Variants in ARID1A observed in about 807,000 individuals in gnomAD.
ARID1A encodes the protein AT-rich interactive domain-containing protein 1A.
A neutral mutation model predicts 212.6 loss-of-function variants in ARID1A; 20 were observed. The observed-to-expected ratio is 0.09, with a 90% CI of 0.07 to 0.14. The LOEUF is 0.14. Ranked by LOEUF, ARID1A falls within the 10% of genes least tolerant of loss-of-function variation. The pLI, the probability that ARID1A is intolerant of heterozygous loss-of-function variation, is 1.00. For synonymous variants in ARID1A, 1,376 were observed against 1,222.1 expected (o/e 1.13, Z -2.63); for missense variants, 2,587 against 3,059.0 (o/e 0.85, Z 3.64).
intron 18 of ARID1A, 101 bp downstream of exon 18, chr1:26,775,321 G>A (rs2081125066): frequency 6.8e-7 from 1 of 1,477,880 alleles, no homozygotes; most frequent in Non-Finnish European, 8.9e-7. Context: ...ATCTGGTCCA[G>A]TGTTGACTAA....
At chr1:26,754,983 T>C (rs536102995) in intron 4 of ARID1A, among the ~76,000 whole-genome samples, 2 of 152,160 alleles carry the variant, frequency 1.3e-5, no homozygotes, top group African/African-American at 4.8e-5. Flanking sequence ...TAACCAGGTG[T>C]CTGTAGTCGC....
intron 4 of ARID1A, among the ~76,000 whole-genome samples, chr1:26,734,019 A>T (rs1273321996): frequency 6.6e-6 from 1 of 152,194 alleles, no homozygotes; most frequent in South Asian, 2.1e-4. Flanking sequence ...TGCAGATAGG[A>T]CGTCTGAGAT....
chr1:26,779,051 A>G lies in ARID1A; in HGVS notation c.5153A>G (p.Glu1718Gly), dbSNP rs1252385338. ...CCAGGGTTGCTAGAGCTCCTTGTAGAATATTTCCGACGATGCCTGATTGAG... is the reference window on the plus strand; with the variant it reads ...CCAGGGTTGCTAGAGCTCCTTGTAGGATATTTCCGACGATGCCTGATTGAG... The part of the protein sequence containing the change: ...QLPGLLELLV[E>G]YFRRCLIEIF... Residue 1718 changes from glutamate to glycine, a missense_variant, in exon 20 of 20, where the codon GAA (glutamate) becomes GGA (glycine). Around this residue, in one of 11 missense-constraint regions of ARID1A, gnomAD observed 890 missense variants for 1,098.2 expected, o/e 0.81. Transcript: ENST00000324856. 8.0e-6 allele frequency: 12 copies of G among 1,508,788 alleles called. No individual in the cohort carries two copies. Among genetic ancestry groups the G allele is most frequent in the Non-Finnish European group, 1.1e-5 (12 of 1,128,612 alleles). The allele number at this position is 1,508,788 out of a possible 1,614,324, so 93.5% of individuals were successfully genotyped here.
chr1:26,698,268 C>T (rs766683305), intron 1 of ARID1A, among the ~76,000 whole-genome samples: 37 of 152,362 alleles, frequency 2.4e-4, no homozygotes, highest in Admixed American at 9.8e-4. Flanking sequence ...AGGTTGACAT[C>T]CTATCTGTGA....
At chr1:26,718,425 C>T (rs1272659186) in intron 1 of ARID1A, among the ~76,000 whole-genome samples, 1 of 152,206 alleles carries the variant, frequency 6.6e-6, no homozygotes, top group Non-Finnish European at 1.5e-5. Flanking sequence ...AATAGTCCTC[C>T]CTTATCTGTG....
chr1:26,754,501 G>A (rs2080911428), intron 4 of ARID1A, among the ~76,000 whole-genome samples: 1 of 152,156 alleles, frequency 6.6e-6, no homozygotes, highest in Non-Finnish European at 1.5e-5. Context: ...TGCTAGGGGG[G>A]ATTCATGCAT....
chr1:26,750,263 AT>A (rs2080872714), intron 4 of ARID1A, among the ~76,000 whole-genome samples: 2 of 152,208 alleles, frequency 1.3e-5, no homozygotes, highest in African/African-American at 4.8e-5. Context: ...GAGGCTTCTG[AT>A]TCCTCACTGC....
At position 26,774,808 on chromosome 1, in the gene ARID1A, C is replaced by A. The variant is rs2124120677; in HGVS notation, c.4581C>A (p.Asn1527Lys). 1 of 1,614,074 alleles carries A rather than the reference C, an allele frequency of 6.2e-7. No homozygotes were observed. Among genetic ancestry groups the A allele is most frequent in the Non-Finnish European group, 8.5e-7 (1 of 1,179,980 alleles). Residue 1527 changes from asparagine (N) to lysine (K), a missense_variant, in exon 18 of 20, where the codon AAC becomes AAA. By Grantham distance (94) the Asn-to-Lys change is moderately conservative (BLOSUM62 0). Around this residue, in one of 11 missense-constraint regions of ARID1A, gnomAD observed 890 missense variants for 1,098.2 expected, o/e 0.81. Transcript: ENST00000324856. This position sits in a 1 kb window ranked among gnomAD's most constrained non-coding sequence, Gnocchi z 5.6. The stretch of plus-strand genomic sequence containing the variant: ...AGGGCCCCGCCTATCATGGCGTGAA[C>A]CGAACAGATGAAATGCTGCACACAG... The part of the protein sequence containing the change: ...APQGPAYHGV[N>K]RTDEMLHTDQ...
intron 4 of ARID1A, among the ~76,000 whole-genome samples, chr1:26,748,320 C>T (rs1473531819): frequency 6.6e-6 from 1 of 152,124 alleles, no homozygotes; most frequent in Non-Finnish European, 1.5e-5. Flanking sequence ...ACTTCTCATA[C>T]CCAGAACTCT....
At position 26,696,972 on chromosome 1, in the gene ARID1A, G is replaced by T. The variant is rs2124742492; in HGVS notation, c.569G>T (p.Gly190Val). 6.7e-7 allele frequency: 1 copy of T among 1,483,264 alleles called. No homozygotes were observed. The highest frequency in any genetic ancestry group is 2.8e-5 in the East Asian group (1 of 35,726). 91.9% of individuals were successfully genotyped at this position (1,483,264 alleles called of 1,614,324 possible). Residue 190 changes from glycine to valine, a missense_variant, in exon 1 of 20, where the codon GGG becomes GTG. This residue lies in a region of ARID1A where 735 missense variants were observed against 590.6 expected (regional missense o/e 1.24). Transcript: ENST00000324856. ...GCAGCGCTGCAGAGCGGCGGCGGCG[G>T]GGGCCTGGAGCCCTACGCGGGGCCC... The part of the protein sequence containing the change: ...GLAALQSGGG[G>V]GLEPYAGPQQ...
At chr1:26,706,449 G>A (rs919978222) in intron 1 of ARID1A, among the ~76,000 whole-genome samples, 1 of 152,194 alleles carries the variant, frequency 6.6e-6, no homozygotes, top group Non-Finnish European at 1.5e-5. Flanking sequence ...AGCCCATTTG[G>A]TGTGTGCTTG....
chr1:26,773,273 G>T (rs528414015), intron 14 of ARID1A, 73 bp from the exon 15 acceptor site: 1 of 1,500,716 alleles, frequency 6.7e-7, no homozygotes, highest in African/African-American at 1.4e-5. Flanking sequence ...TCTGAAGAGG[G>T]CCTGGGTCAA....
intron 11 of ARID1A, chr1:26,770,280 T>C (rs368187523): frequency 3.0e-4 from 46 of 152,198 alleles, no homozygotes; most frequent in African/African-American, 1.1e-3. Flanking sequence ...GGACCTGTGG[T>C]TATTTGTCAA....
At position 26,775,179 on chromosome 1, in the gene ARID1A, C is replaced by A. The variant is rs1570617020; in HGVS notation, c.4952C>A (p.Pro1651His). 6.2e-7 allele frequency: 1 copy of A among 1,607,122 alleles called. No individual in the cohort carries two copies. Among genetic ancestry groups the A allele is most frequent in the Non-Finnish European group, 8.5e-7 (1 of 1,177,538 alleles). ...FPPGSVEATQ[P>H]VLKQRRRLTM... ...CCTGGCTCTGTTGAAGCCACACAGC[C>A]TGTGTTGAAGCAGAGGAGGCGGCTC... Residue 1651 changes from proline to histidine, a missense_variant, in exon 18 of 20, where the codon CCT becomes CAT. Around this residue, in one of 11 missense-constraint regions of ARID1A, gnomAD observed 890 missense variants for 1,098.2 expected, o/e 0.81. Transcript: ENST00000324856.
chr1:26,743,943 C>T (rs972559149), intron 4 of ARID1A, among the ~76,000 whole-genome samples: 7 of 152,106 alleles, frequency 4.6e-5, no homozygotes, highest in African/African-American at 1.7e-4. Flanking sequence ...ATGTCACTAG[C>T]GATTTTGGTA....
chr1:26,699,517 C>G (rs972976406), intron 1 of ARID1A, among the ~76,000 whole-genome samples: 10 of 152,294 alleles, frequency 6.6e-5, no homozygotes, highest in African/African-American at 2.4e-4. Context: ...TTGAAATTAG[C>G]TGTGTTAGAT....
rs2124139917 is a variant in ARID1A at position 26,779,400 on chromosome 1, G to A, written c.5502G>A (p.Val1834=). The stretch of plus-strand genomic sequence containing the variant: ...ACTGCTCAGATAAGCTTGGGCGTGT[G>A]CAGGAGTTTGACAGTGGCCTGCTGC... ...VVDCSDKLGR[V]QEFDSGLLHW... Residue 1834 remains valine, a synonymous_variant, in exon 20 of 20, where the codon GTG becomes GTA. Transcript: ENST00000324856. The A allele has an allele frequency of 1.2e-6, 2 of 1,614,184 alleles. No homozygotes were observed. Among genetic ancestry groups the A allele is most frequent in the Non-Finnish European group, 1.7e-6 (2 of 1,180,034 alleles).
intron 8 of ARID1A, chr1:26,764,841 G>C (rs1237123829): frequency 2.0e-5 from 3 of 152,220 alleles, no homozygotes; most frequent in Non-Finnish European, 4.4e-5. Context: ...AGGTGGCTTT[G>C]AGGAAGGCAG....
chr1:26,731,570 C>T lies in ARID1A; in HGVS notation c.1769C>T (p.Thr590Ile), dbSNP rs2124790380. 1 of 1,614,158 alleles carries T rather than the reference C, an allele frequency of 6.2e-7. No individual in the cohort carries two copies. Among genetic ancestry groups the T allele is most frequent in the Non-Finnish European group, 8.5e-7 (1 of 1,179,996 alleles). The change falls in exon 3 of 20, where the codon ACT (threonine) becomes ATT (isoleucine). Residue 590 changes from threonine to isoleucine, a missense_variant. By Grantham distance (89) the Thr-to-Ile change is moderately conservative. Transcript: ENST00000324856. ...CCCCAGTCTCAGCAGTCCCAGCAAACTGCCTATTCCCAGCAGCGCTTCCCT... is the reference window on the plus strand; with the variant it reads ...CCCCAGTCTCAGCAGTCCCAGCAAATTGCCTATTCCCAGCAGCGCTTCCCT... ...PQPQSQQSQQ[T>I]AYSQQRFPPP...
Sources: gnomAD v4.1 joint callset for allele counts (sites outside exome capture counted in the v4.1 genomes callset) on GRCh38, gnomAD v4.1.1 for gene constraint, gnomAD v4.1.1 regional missense constraint, Gnocchi (gnomAD v3.1) non-coding constraint, MANE v1.5 for transcripts, NCBI Gene and HGNC (gene_info 2026-07-23, HGNC 2026-07-21) for gene names.